HS3ST4: variants seen among roughly 807,000 people sequenced by gnomAD.
HS3ST4 encodes the protein heparan sulfate-glucosamine 3-sulfotransferase 4.
A neutral mutation model predicts 29.2 loss-of-function variants in HS3ST4; 17 were observed. The observed-to-expected ratio is 0.58, with a 90% CI of 0.40 to 0.87. The LOEUF is 0.87. Among genes scored for constraint, HS3ST4 ranks in the 40% least tolerant of loss-of-function variants. The probability of loss-of-function intolerance (pLI) is 0.00; values close to 1 mark genes in which losing one functional copy is unlikely to be tolerated. For missense variants in HS3ST4, 627 were observed against 634.5 expected (o/e 0.99, Z 0.13); for synonymous variants, 314 against 285.7 (o/e 1.10, Z -1.00).
At chr16:25,911,723 G>A (rs1029952121) in intron 1 of HS3ST4, among the ~76,000 whole-genome samples, 1 of 151,930 alleles carries the variant, frequency 6.6e-6, no homozygotes, top group Non-Finnish European at 1.5e-5. Context: ...TGCCCAGGCT[G>A]TTCTTGAAGT....
intron 1 of HS3ST4, among the ~76,000 whole-genome samples, chr16:25,843,731 A>G (rs1344430912): frequency 5.9e-5 from 9 of 152,162 alleles, no homozygotes; most frequent in Non-Finnish European, 1.0e-4. Flanking sequence ...TAATCTTTCA[A>G]TCATGGCTAT....
At chr16:25,866,827 T>TA (rs1330362456) in intron 1 of HS3ST4, among the ~76,000 whole-genome samples, 4 of 151,262 alleles carry the variant, frequency 2.6e-5, no homozygotes, top group African/African-American at 4.8e-5. Context: ...TAAAATAAAT[T>TA]AAAAAACAGA....
chr16:25,879,892 A>G (rs7499039), intron 1 of HS3ST4, among the ~76,000 whole-genome samples: 65,367 of 151,980 alleles, frequency 0.43, 14,207 homozygotes, highest in African/African-American at 0.45. Context: ...ACAGCAGGCA[A>G]GAGAGCTTGT....
intron 1 of HS3ST4, among the ~76,000 whole-genome samples, chr16:25,926,264 T>G (rs1968401881): frequency 3.9e-5 from 6 of 152,196 alleles, no homozygotes; most frequent in Admixed American, 3.9e-4. Context: ...TCTCTCTGTC[T>G]CTGTAGATTC....
At chr16:25,736,258 C>G (rs530122630) in intron 1 of HS3ST4, among the ~76,000 whole-genome samples, 2 of 152,162 alleles carry the variant, frequency 1.3e-5, no homozygotes, top group African/African-American at 4.8e-5. Flanking sequence ...TATGACCACC[C>G]TTTGTCATCA....
Position 26,136,300 on chromosome 16 carries a change from T to C in HS3ST4, c.*52T>C. On this transcript the variant is annotated 3_prime_UTR_variant, in exon 2 of 2. Coordinates refer to ENST00000331351, the MANE Select transcript of HS3ST4 (RefSeq NM_006040.3). ...CAATAAGCTAAGGAGGCTCCTTGCC[T>C]GAGTCCTTGAATACCCCAGCTTCTG... 2 of 1,509,324 alleles carry C rather than the reference T, an allele frequency of 1.3e-6. No homozygotes were observed. The highest frequency in any genetic ancestry group is 1.8e-6 in the Non-Finnish European group (2 of 1,125,910). 93.5% of individuals were successfully genotyped at this position (1,509,324 alleles called of 1,614,324 possible).
In HS3ST4 at chr16:25,866,105, GT is replaced by G. The variant is rs1490818714; in HGVS notation, c.734+172955del. ...TATCCATTTGCAAAATATTCAAACTGTATAAAACTCAATTCCTTAACTACCT... is the reference window on the plus strand; with the variant it reads ...TATCCATTTGCAAAATATTCAAACTGATAAAACTCAATTCCTTAACTACCT... On this transcript the variant is annotated intron_variant, in intron 1 of 1. Coordinates refer to ENST00000331351, the MANE Select transcript of HS3ST4 (RefSeq NM_006040.3). Among the ~76,000 whole-genome samples the G allele has an allele frequency of 3.3e-5, 5 of 152,232 alleles. 1 individual carries two copies. The highest frequency in any genetic ancestry group is 3.3e-4 in the Admixed American group (5 of 15,288).
At chr16:25,853,790 A>T (rs140359677) in intron 1 of HS3ST4, among the ~76,000 whole-genome samples, 34 of 152,258 alleles carry the variant, frequency 2.2e-4, no homozygotes, top group African/African-American at 7.9e-4. Flanking sequence ...ATTGATGTTC[A>T]TTAGAAATAT....
chr16:25,693,064 C>A lies in HS3ST4; in HGVS notation c.647C>A (p.Ala216Glu), dbSNP rs762658852. ...GGAGGGACCCGCGCGCTGCTGGAGG[C>A]GATCCGCGTGCACCCGGACGTGCGG... ...KKGGTRALLE[A>E]IRVHPDVRAV... Residue 216 changes from alanine to glutamate, a missense_variant, in exon 1 of 2, where the codon GCG (alanine) becomes GAG (glutamate). Coordinates refer to ENST00000331351, the MANE Select transcript of HS3ST4 (RefSeq NM_006040.3). The A allele has an allele frequency of 6.2e-7, 1 of 1,608,426 alleles. No individual in the cohort carries two copies. The highest frequency in any genetic ancestry group is 1.7e-5 in the Admixed American group (1 of 59,546).
At chr16:26,003,395 C>G (rs1567291487) in intron 1 of HS3ST4, among the ~76,000 whole-genome samples, 1 of 152,120 alleles carries the variant, frequency 6.6e-6, no homozygotes, top group Non-Finnish European at 1.5e-5. Context: ...CTAATTTTCT[C>G]CAGGGATAAT....
chr16:25,891,555 G>A (rs1409260278), intron 1 of HS3ST4, among the ~76,000 whole-genome samples: 1 of 152,112 alleles, frequency 6.6e-6, no homozygotes, highest in African/African-American at 2.4e-5. Flanking sequence ...TCTCTGTGTC[G>A]AGACTGAGTG....
At position 25,833,832 on chromosome 16, in the gene HS3ST4, A is replaced by G. The variant is rs576663146; in HGVS notation, c.734+140681A>G. 1.4e-3 allele frequency among the ~76,000 whole-genome samples: 213 copies of G among 152,342 alleles called. 1 individual carries two copies. Among genetic ancestry groups the G allele is most frequent in the African/African-American group, 4.8e-3 (200 of 41,582 alleles). On this transcript the variant is annotated intron_variant, in intron 1 of 1. Transcript: ENST00000331351. ...AAGTCACAAAGCATGTCCCAATCAC[A>G]GAAAGAGTTTTAGTTCTTGCCTCAG...
At chr16:26,118,865 A>G (rs1226860307) in intron 1 of HS3ST4, among the ~76,000 whole-genome samples, 1 of 152,180 alleles carries the variant, frequency 6.6e-6, no homozygotes, top group Non-Finnish European at 1.5e-5. Context: ...AGGGCTCGTA[A>G]TCCATGAAAA....
chr16:26,008,569 A>G (rs1421686255), intron 1 of HS3ST4, among the ~76,000 whole-genome samples: 1 of 152,246 alleles, frequency 6.6e-6, no homozygotes, highest in Non-Finnish European at 1.5e-5. Context: ...CTGTAATCCC[A>G]GCACTTTGGG....
intron 1 of HS3ST4, among the ~76,000 whole-genome samples, chr16:26,077,300 T>A (rs1052782506): frequency 6.6e-6 from 1 of 152,242 alleles, no homozygotes; most frequent in Non-Finnish European, 1.5e-5. Flanking sequence ...TTATGTGACA[T>A]TGCTTTGATC....
intron 1 of HS3ST4, among the ~76,000 whole-genome samples, chr16:25,894,431 T>C (rs1387250700): frequency 6.6e-6 from 1 of 151,776 alleles, no homozygotes; most frequent in Non-Finnish European, 1.5e-5. Context: ...AGGAGGAAAA[T>C]ATCCCCCGGC....
At chr16:25,837,646 C>G (rs976122397) in intron 1 of HS3ST4, among the ~76,000 whole-genome samples, 1 of 151,884 alleles carries the variant, frequency 6.6e-6, no homozygotes, top group Non-Finnish European at 1.5e-5. Context: ...GGTACAGGTC[C>G]TATATAACAG....
At chr16:25,975,073 T>C (rs1178894534) in intron 1 of HS3ST4, among the ~76,000 whole-genome samples, 2 of 152,180 alleles carry the variant, frequency 1.3e-5, no homozygotes, top group Non-Finnish European at 2.9e-5. Context: ...GCAATCCTGA[T>C]ATTTTGAAAA....
At chr16:26,092,665 A>G (rs895341768) in intron 1 of HS3ST4, among the ~76,000 whole-genome samples, 1 of 152,182 alleles carries the variant, frequency 6.6e-6, no homozygotes, top group African/African-American at 2.4e-5. Context: ...TGCAGCTCCC[A>G]GTGTGATTGA....
Sources: allele counts gnomAD v4.1 joint callset (sites outside exome capture counted in the v4.1 genomes callset), GRCh38; gene constraint gnomAD v4.1.1; transcripts MANE v1.5; gene names NCBI Gene and HGNC (gene_info 2026-07-23, HGNC 2026-07-21).